The following SRRM3 variants were observed in gnomAD, a reference collection of about 807,000 sequenced individuals.
The protein encoded by SRRM3 is serine/arginine repetitive matrix 3.
Under a neutral mutation model 66.2 loss-of-function variants are expected in SRRM3, and 27 were observed. The ratio of observed to expected loss-of-function variants is 0.41; its 90% CI spans 0.30 to 0.56. The LOEUF is 0.56. Among genes scored for constraint, SRRM3 ranks in the 20% least tolerant of loss-of-function variants. The probability of loss-of-function intolerance (pLI) is 0.32; values close to 1 mark genes in which losing one functional copy is unlikely to be tolerated. For synonymous variants in SRRM3, 391 were observed against 414.9 expected (o/e 0.94, Z 0.70); for missense variants, 918 against 991.9 (o/e 0.93, Z 1.00).
intron 14 of SRRM3, chr7:76,283,767 G>A (rs1281687564): frequency 1.0e-6 from 1 of 985,232 alleles, no homozygotes; most frequent in African/African-American, 1.7e-5. Context: ...TGTGCCCAGG[G>A]CGTGGCTGGT....
At chr7:76,212,228 G>A (rs968354745) in intron 1 of SRRM3, among the ~76,000 whole-genome samples, 13 of 140,296 alleles carry the variant, frequency 9.3e-5, no homozygotes, top group South Asian at 4.5e-4. Context: ...TGGCACAATC[G>A]TGGCTTACTA....
At position 76,245,269 on chromosome 7, in the gene SRRM3, G is replaced by A. The variant is rs1409522006; in HGVS notation, c.234-2919G>A. 3.9e-5 allele frequency among the ~76,000 whole-genome samples: 6 copies of A among 152,308 alleles called. No individual in the cohort carries two copies. In the South Asian group the frequency reaches 1.0e-3, roughly 26 times the overall value. On this transcript the variant is annotated intron_variant, in intron 2 of 14. Transcript: ENST00000611745. ...CCTGCAAATATTTGTTGAAGGAGCA[G>A]AGGGAAGCAGGGAGTAGAGAGATGG...
intron 1 of SRRM3, among the ~76,000 whole-genome samples, chr7:76,213,291 G>A (rs530842380): frequency 2.0e-5 from 3 of 152,068 alleles, no homozygotes; most frequent in African/African-American, 7.2e-5. Context: ...GATTACAGGC[G>A]TGAGCCACCG....
chr7:76,267,392 G>T lies in SRRM3; in HGVS notation c.965G>T (p.Gly322Val), dbSNP rs1802094769. ...AACGGCGGCAGCGGGCAGCGGAGCG[G>T]AGCGCACGGGGGCCGCCCCGGCTCG... The part of the protein sequence containing the change: ...QRNGGSGQRS[G>V]AHGGRPGSAH... Residue 322 changes from glycine to valine, a missense_variant, in exon 11 of 15, where the codon GGA (glycine) becomes GTA (valine). By Grantham distance (109) the Gly-to-Val change is moderately radical. Transcript: ENST00000611745. The T allele has an allele frequency of 1.4e-6, 2 of 1,409,178 alleles. No homozygotes were observed. The highest frequency in any genetic ancestry group is 6.1e-5 in the East Asian group (2 of 32,938). 87.3% of individuals were successfully genotyped at this position (1,409,178 alleles called of 1,614,324 possible).
chr7:76,232,927 G>C (rs1283183163), intron 1 of SRRM3, among the ~76,000 whole-genome samples: 1 of 152,114 alleles, frequency 6.6e-6, no homozygotes, highest in African/African-American at 2.4e-5. Flanking sequence ...CAGAGAGGCA[G>C]TGGACCTGCA....
At chr7:76,274,274 A>C (rs1802285640) in intron 11 of SRRM3, among the ~76,000 whole-genome samples, 1 of 152,236 alleles carries the variant, frequency 6.6e-6, no homozygotes, top group Non-Finnish European at 1.5e-5. Flanking sequence ...GGCTTCCTCA[A>C]GTCCTTCCCT....
intron 2 of SRRM3, 28 bp downstream of exon 2, chr7:76,235,327 GT>G: frequency 6.8e-7 from 1 of 1,461,474 alleles, no homozygotes. Context: ...CGGGACTGGG[GT>G]GGGGAGATAG....
At chr7:76,267,677 C>G (rs1802108690) in intron 11 of SRRM3, 2 of 387,532 alleles carry the variant, frequency 5.2e-6, no homozygotes, top group Non-Finnish European at 9.0e-6. Flanking sequence ...CTTGGGCCAC[C>G]CTTGCGCTTG....
intron 11 of SRRM3, among the ~76,000 whole-genome samples, chr7:76,280,285 G>A (rs1350385703): frequency 1.3e-5 from 2 of 152,090 alleles, no homozygotes; most frequent in African/African-American, 4.8e-5. Context: ...GGTATCTAAT[G>A]ACATTTGTGG....
At chr7:76,231,104 C>T (rs1554604201) in intron 1 of SRRM3, among the ~76,000 whole-genome samples, 1 of 152,088 alleles carries the variant, frequency 6.6e-6, no homozygotes, top group Non-Finnish European at 1.5e-5. Context: ...GGACCCTGTG[C>T]GTGCAGTCCT....
At chr7:76,255,970 G>T (rs1801702494) in intron 3 of SRRM3, among the ~76,000 whole-genome samples, 1 of 152,142 alleles carries the variant, frequency 6.6e-6, no homozygotes, top group Admixed American at 6.6e-5. Context: ...ACAGTCACAG[G>T]CCAGGCCTCA....
At chr7:76,217,430 G>A (rs944057801) in intron 1 of SRRM3, among the ~76,000 whole-genome samples, 4 of 152,040 alleles carry the variant, frequency 2.6e-5, no homozygotes, top group Non-Finnish European at 5.9e-5. Flanking sequence ...AATTACAGGC[G>A]TCTGCCACCA....
chr7:76,215,258 T>G (rs1800530110), intron 1 of SRRM3, among the ~76,000 whole-genome samples: 1 of 151,788 alleles, frequency 6.6e-6, no homozygotes, highest in Non-Finnish European at 1.5e-5. Context: ...AAATGCATCC[T>G]ACGTTTTGGG....
At chr7:76,211,029 G>A (rs1463792977) in intron 1 of SRRM3, among the ~76,000 whole-genome samples, 1 of 152,156 alleles carries the variant, frequency 6.6e-6, no homozygotes, top group African/African-American at 2.4e-5. Flanking sequence ...GGGTAGGCTG[G>A]TCTCGAACTC....
chr7:76,233,005 T>C (rs1801050631), intron 1 of SRRM3, among the ~76,000 whole-genome samples: 1 of 151,750 alleles, frequency 6.6e-6, no homozygotes, highest in African/African-American at 2.4e-5. Context: ...TGAGCGATGT[T>C]GAGAAGAAGG....
chr7:76,238,974 C>A (rs1801215672), intron 2 of SRRM3, among the ~76,000 whole-genome samples: 1 of 151,904 alleles, frequency 6.6e-6, no homozygotes, highest in Admixed American at 6.6e-5. Context: ...CATGCCTCTT[C>A]TTGTAAGGAC....
At chr7:76,222,575 G>A (rs1315814873) in intron 1 of SRRM3, among the ~76,000 whole-genome samples, 1 of 151,664 alleles carries the variant, frequency 6.6e-6, no homozygotes, top group Non-Finnish European at 1.5e-5. Flanking sequence ...CTCCCCTCCT[G>A]GCTTAGTGGG....
intron 2 of SRRM3, among the ~76,000 whole-genome samples, chr7:76,237,746 A>T (rs781783561): frequency 6.6e-6 from 1 of 151,994 alleles, no homozygotes; most frequent in Non-Finnish European, 1.5e-5. Context: ...CACCTCCTTG[A>T]TGAACCCATC....
At chr7:76,262,687 G>A (rs528773205) in intron 8 of SRRM3, among the ~76,000 whole-genome samples, 1 of 151,904 alleles carries the variant, frequency 6.6e-6, no homozygotes, top group East Asian at 1.9e-4. Flanking sequence ...ATGGTGGCGG[G>A]TGCCTGTAAT....
Sources: gnomAD v4.1 joint callset for allele counts (sites outside exome capture counted in the v4.1 genomes callset) on GRCh38, gnomAD v4.1.1 for gene constraint, MANE v1.5 for transcripts, NCBI Gene and HGNC (gene_info 2026-07-23, HGNC 2026-07-21) for gene names.